The following CNTNAP2 variants were observed in gnomAD, a reference collection of about 807,000 sequenced individuals.
CNTNAP2 encodes contactin associated protein 2.
Under a neutral mutation model 155.2 loss-of-function variants are expected in CNTNAP2, and 98 were observed. That is an observed-to-expected ratio of 0.63 (90% CI 0.54 to 0.75). The LOEUF (loss-of-function observed/expected upper bound fraction) is 0.75, where lower values mean the gene tolerates loss of function less well. Ranked by LOEUF, CNTNAP2 falls within the 30% of genes least tolerant of loss-of-function variation. CNTNAP2 has a pLI of 0.00. For missense variants in CNTNAP2, 1,727 were observed against 1,688.1 expected, an observed-to-expected ratio of 1.02 and a Z score of -0.40; for synonymous variants, 651 against 631.2, an observed-to-expected ratio of 1.03 and a Z score of -0.47.
At chr7:147,506,148 T>C (rs1465521493) in intron 11 of CNTNAP2, among the ~76,000 whole-genome samples, 2 of 152,210 alleles carry the variant, frequency 1.3e-5, no homozygotes, top group Non-Finnish European at 2.9e-5. Flanking sequence ...GAGGAAGGCA[T>C]GGCCAGGCAC....
chr7:146,772,225 C>G (rs906363633), intron 1 of CNTNAP2, among the ~76,000 whole-genome samples: 1 of 151,950 alleles, frequency 6.6e-6, no homozygotes, highest in Non-Finnish European at 1.5e-5. Context: ...GATACAGAGA[C>G]TGATGGCAAC....
chr7:147,378,194 C>A, intron 9 of CNTNAP2: 2 of 292,022 alleles, frequency 6.8e-6, no homozygotes, highest in Non-Finnish European at 6.8e-6. Flanking sequence ...ATGACATTGT[C>A]GATATTCAAT....
intron 13 of CNTNAP2, among the ~76,000 whole-genome samples, chr7:147,862,300 T>C (rs1799149761): frequency 6.6e-6 from 1 of 152,166 alleles, no homozygotes; most frequent in Admixed American, 6.5e-5. Flanking sequence ...AAATCACTAG[T>C]CATTTGCATC....
At chr7:146,143,919 TCC>T (rs1562966516) in intron 1 of CNTNAP2, among the ~76,000 whole-genome samples, 1 of 152,022 alleles carries the variant, frequency 6.6e-6, no homozygotes, top group African/African-American at 2.4e-5. Context: ...TGTGCCACCA[TCC>T]CAGGCTAATT....
At chr7:147,260,012 T>G (rs1276988198) in intron 8 of CNTNAP2, among the ~76,000 whole-genome samples, 1 of 152,196 alleles carries the variant, frequency 6.6e-6, no homozygotes, top group Non-Finnish European at 1.5e-5. Flanking sequence ...TGGGTCAGTC[T>G]TGTTGGAGAC....
chr7:148,206,267 A>G (rs1306286172), intron 18 of CNTNAP2, among the ~76,000 whole-genome samples: 2 of 147,722 alleles, frequency 1.4e-5, no homozygotes, highest in Non-Finnish European at 3.0e-5. Flanking sequence ...ATTATATATA[A>G]TATAATGTTA....
At chr7:148,363,027 G>T (rs1207816243) in intron 21 of CNTNAP2, among the ~76,000 whole-genome samples, 2 of 152,044 alleles carry the variant, frequency 1.3e-5, no homozygotes, top group African/African-American at 4.8e-5. Context: ...TGTTGCCCAG[G>T]CTGGAGTGCA....
At chr7:146,904,211 C>T (rs1305824650) in intron 3 of CNTNAP2, among the ~76,000 whole-genome samples, 1 of 152,064 alleles carries the variant, frequency 6.6e-6, no homozygotes, top group African/African-American at 2.4e-5. Flanking sequence ...CTGGTTGTTA[C>T]TCTAGCATAG....
At chr7:146,250,197 T>C (rs1235728669) in intron 1 of CNTNAP2, among the ~76,000 whole-genome samples, 2 of 152,212 alleles carry the variant, frequency 1.3e-5, no homozygotes, top group African/African-American at 4.8e-5. Context: ...AGAGAGATGA[T>C]AATAGTACCT....
At chr7:146,815,024 G>A (rs187323883) in intron 2 of CNTNAP2, among the ~76,000 whole-genome samples, 126 of 151,900 alleles carry the variant, frequency 8.3e-4, no homozygotes, top group African/African-American at 2.9e-3. Context: ...TTCAGTTATC[G>A]AACATGTACC....
chr7:146,290,089 C>T (rs1488954109), intron 1 of CNTNAP2, among the ~76,000 whole-genome samples: 1 of 151,902 alleles, frequency 6.6e-6, no homozygotes, highest in Non-Finnish European at 1.5e-5. Context: ...CATATGTAAC[C>T]TAGGTTACAT....
chr7:146,398,515 A>C (rs1394918132), intron 1 of CNTNAP2, among the ~76,000 whole-genome samples: 1 of 152,150 alleles, frequency 6.6e-6, no homozygotes, highest in African/African-American at 2.4e-5. Flanking sequence ...ACTACAATTC[A>C]ATATGAGATT....
chr7:148,383,584 C>T, intron 21 of CNTNAP2, 65 bp from the exon 22 acceptor site: 3 of 1,610,332 alleles, frequency 1.9e-6, no homozygotes, highest in South Asian at 2.2e-5. Context: ...CATTCAAAGA[C>T]AGGTATGTTG....
In CNTNAP2 at chr7:148,415,290, GTTGTTTTGGAGGTTGTGTT is replaced by G. The variant is rs559433363; in HGVS notation, c.3797-124_3797-106del. ...ATCTTACTTCATTTTTGTTATCTTT[GTTGTTTTGGAGGTTGTGTT>G]TTATATGGGAGAGGGCTGTGTCTGA... On this transcript the variant is annotated intron_variant, in intron 23 of 23. Transcript: ENST00000361727. The G allele has an allele frequency of 5.5e-5, 53 of 956,290 alleles. 2 individuals are homozygous for G. In the East Asian group the frequency reaches 1.3e-3, roughly 24 times the overall value. 59.2% of individuals were successfully genotyped at this position (956,290 alleles called of 1,614,324 possible). A position where few individuals can be genotyped will look rare whatever the true frequency, so the allele number is the denominator to read the frequency against.
In CNTNAP2 at chr7:146,663,207, G is replaced by A. The variant is rs1239404438; in HGVS notation, c.98-111064G>A. Among the ~76,000 whole-genome samples, 4 of 148,854 alleles carry A rather than the reference G, an allele frequency of 2.7e-5. No homozygotes were observed. In the East Asian group the frequency reaches 5.9e-4, roughly 22 times the overall value. On this transcript the variant is annotated intron_variant, in intron 1 of 23. Transcript: ENST00000361727. ...GCAGGAGAATCACTTAAACCCGGGA[G>A]GCAGAGGTTGCAGTGAGCCAAGATC...
intron 6 of CNTNAP2, among the ~76,000 whole-genome samples, chr7:147,125,496 A>G (rs777034534): frequency 7.9e-5 from 12 of 152,202 alleles, no homozygotes; most frequent in Non-Finnish European, 1.8e-4. Flanking sequence ...CGTAGTCAAT[A>G]AAAACCAAAG....
In CNTNAP2 at chr7:147,242,021, T is replaced by C. The variant is rs527549093; in HGVS notation, c.1349-58120T>C. Among the ~76,000 whole-genome samples, 12 of 152,320 alleles carry C rather than the reference T, an allele frequency of 7.9e-5. No homozygotes were observed. In the South Asian group the frequency reaches 1.7e-3, roughly 21 times the overall value. On this transcript the variant is annotated intron_variant, in intron 8 of 23. Transcript: ENST00000361727. ...TGTTCACTTTTATTTCTTCGCACCATGCAAAACTGCCGACTGTCCTCTTGG... is the reference window on the plus strand; with the variant it reads ...TGTTCACTTTTATTTCTTCGCACCACGCAAAACTGCCGACTGTCCTCTTGG...
rs71183016 is a variant in CNTNAP2, at chr7:147,560,168, C to CAAAAAA, written c.1778-1952_1778-1947dup. Among the ~76,000 whole-genome samples the CAAAAAA allele has an allele frequency of 4.2e-4, 22 of 52,816 alleles. 1 individual carries two copies. The highest frequency in any genetic ancestry group is 1.2e-3 in the African/African-American group (17 of 14,304). 34.6% of individuals were successfully genotyped at this position (52,816 alleles called of 152,430 possible). Reference sequence around the variant, plus strand: ...GGGCAACAAGAACGAAACTCCGTCTCAAAAAAAAAAAAAAAAAAAAAAATT... The same window carrying CAAAAAA: ...GGGCAACAAGAACGAAACTCCGTCTCAAAAAAAAAAAAAAAAAAAAAAAAAAAAATT... On this transcript the variant is annotated intron_variant, in intron 11 of 23. Coordinates refer to ENST00000361727, the MANE Select transcript of CNTNAP2 (RefSeq NM_014141.6).
At chr7:146,736,663 C>T (rs555877052) in intron 1 of CNTNAP2, among the ~76,000 whole-genome samples, 18 of 152,300 alleles carry the variant, frequency 1.2e-4, no homozygotes, top group Admixed American at 1.2e-3. Context: ...GCTGCACTGC[C>T]TCCCAGGAAA....
Sources: allele counts gnomAD v4.1 joint callset (sites outside exome capture counted in the v4.1 genomes callset), GRCh38; gene constraint gnomAD v4.1.1; transcripts MANE v1.5; gene names NCBI Gene and HGNC (gene_info 2026-07-23, HGNC 2026-07-21).